OR2T12: variants seen among roughly 807,000 people sequenced by gnomAD.
OR2T12 encodes the protein olfactory receptor 2T12.
For missense variants in OR2T12, 335 were observed against 404.3 expected (o/e 0.83, Z 1.47); for synonymous variants, 127 against 160.5 (o/e 0.79, Z 1.58).
intron 2 of OR2T12, among the ~76,000 whole-genome samples, chr1:248,300,259 A>C (rs1458847586): frequency 1.3e-5 from 2 of 152,200 alleles, no homozygotes; most frequent in African/African-American, 4.8e-5. Context: ...GCATGTGACC[A>C]GCACAATACT....
chr1:248,302,531 A>G (rs959268319), intron 1 of OR2T12, among the ~76,000 whole-genome samples: 4 of 152,158 alleles, frequency 2.6e-5, no homozygotes, highest in African/African-American at 9.6e-5. Context: ...TATATCCAAC[A>G]TATTTGTTGT....
chr1:248,301,151 A>G (rs1459055177), intron 2 of OR2T12, among the ~76,000 whole-genome samples: 16 of 152,202 alleles, frequency 1.1e-4, no homozygotes, highest in Non-Finnish European at 1.9e-4. Flanking sequence ...CATTGATTTC[A>G]TCCTGTCACA....
chr1:248,296,057 A>G (rs758946781), intron 2 of OR2T12, among the ~76,000 whole-genome samples: 48 of 125,946 alleles, frequency 3.8e-4, no homozygotes, highest in Non-Finnish European at 6.4e-4. Flanking sequence ...TCCTGTGTCC[A>G]TGTGTTCTCA....
At chr1:248,297,196 C>G (rs1445917190) in intron 2 of OR2T12, among the ~76,000 whole-genome samples, 5 of 151,930 alleles carry the variant, frequency 3.3e-5, no homozygotes, top group East Asian at 1.9e-4. Flanking sequence ...GGGCTCTGTT[C>G]TGTTCCATTG....
In OR2T12 at chr1:248,292,032, A is replaced by G. The variant is rs1420544618; in HGVS notation, c.*2584T>C. 6.6e-6 allele frequency: 1 copy of G among 152,156 alleles called. No individual in the cohort carries two copies. The highest frequency in any genetic ancestry group is 1.5e-5 in the Non-Finnish European group (1 of 67,992). The allele number at this position is 152,156 out of a possible 1,614,324, so 9.4% of individuals were successfully genotyped here. A position where few individuals can be genotyped will look rare whatever the true frequency, so the allele number is the denominator to read the frequency against. On this transcript the variant is annotated 3_prime_UTR_variant, in exon 3 of 3. Transcript: ENST00000641276. ...CATAGGCATGGGCAAAGACTTCATG[A>G]CTAAAACACCAAAGCAATGGCAACA...
rs1478792177 is a variant in OR2T12 at position 248,293,084 on chromosome 1, C to T, written c.*1532G>A. 6.6e-6 allele frequency: 1 copy of T among 152,112 alleles called. No homozygotes were observed. The highest frequency in any genetic ancestry group is 1.5e-5 in the Non-Finnish European group (1 of 67,992). 9.4% of individuals were successfully genotyped at this position (152,112 alleles called of 1,614,324 possible). On this transcript the variant is annotated 3_prime_UTR_variant, in exon 3 of 3. Coordinates refer to ENST00000641276, the MANE Select transcript of OR2T12 (RefSeq NM_001004692.2). ...GAAACTCTTAGTCTTAAACAGATGACACTCTCTCCTGTCATCCTCAAGTCT... is the reference window on the plus strand; with the variant it reads ...GAAACTCTTAGTCTTAAACAGATGATACTCTCTCCTGTCATCCTCAAGTCT...
chr1:248,291,794 CTCT>C lies in OR2T12; in HGVS notation c.*2819_*2821del, dbSNP rs1245490830. Reference sequence around the variant, plus strand: ...CTCAGAATTCATGCCATACAACCATCTCTTCTTTGACAAACCTGACAAAAACAA... The same window carrying C: ...CTCAGAATTCATGCCATACAACCATCTCTTTGACAAACCTGACAAAAACAA... On this transcript the variant is annotated 3_prime_UTR_variant, in exon 3 of 3. Transcript: ENST00000641276. 6.6e-5 allele frequency: 10 copies of C among 151,994 alleles called. No individual in the cohort carries two copies. Among genetic ancestry groups the C allele is most frequent in the African/African-American group, 1.9e-4 (8 of 41,480 alleles). The allele number at this position is 151,994 out of a possible 1,614,324, so 9.4% of individuals were successfully genotyped here. A position where few individuals can be genotyped will look rare whatever the true frequency, so the allele number is the denominator to read the frequency against.
intron 2 of OR2T12, among the ~76,000 whole-genome samples, chr1:248,296,942 C>T (rs544462621): frequency 1.8e-4 from 27 of 152,210 alleles, no homozygotes; most frequent in Admixed American, 5.2e-4. Flanking sequence ...CCTATGTCCT[C>T]AATGGTAACG....
At chr1:248,298,129 C>T (rs1042404805) in intron 2 of OR2T12, among the ~76,000 whole-genome samples, 11 of 152,024 alleles carry the variant, frequency 7.2e-5, no homozygotes, top group South Asian at 2.1e-4. Context: ...TTGTCTTTGG[C>T]TCTGTTTATA....
chr1:248,300,415 G>C (rs926038818), intron 2 of OR2T12, among the ~76,000 whole-genome samples: 1 of 152,082 alleles, frequency 6.6e-6, no homozygotes, highest in African/African-American at 2.4e-5. Flanking sequence ...CTGATTATTG[G>C]TATCTGAGAT....
At chr1:248,300,352 G>C (rs769699984) in intron 2 of OR2T12, among the ~76,000 whole-genome samples, 36 of 152,094 alleles carry the variant, frequency 2.4e-4, no homozygotes, top group Non-Finnish European at 1.3e-4. Context: ...AGAGAAACAG[G>C]TCTCAACCTC....
In OR2T12 at chr1:248,293,972, G is replaced by A. The variant is rs2103037101; in HGVS notation, c.*644C>T. 1 of 152,084 alleles carries A rather than the reference G, an allele frequency of 6.6e-6. No homozygotes were observed. The highest frequency in any genetic ancestry group is 2.4e-5 in the African/African-American group (1 of 41,516). The allele number at this position is 152,084 out of a possible 1,614,324, so 9.4% of individuals were successfully genotyped here. On this transcript the variant is annotated 3_prime_UTR_variant, in exon 3 of 3. Coordinates refer to ENST00000641276, the MANE Select transcript of OR2T12 (RefSeq NM_001004692.2). ...AATATAGCAGTTACATTTGAGTTGT[G>A]TACTTCCCCTTTTGTCATGCATCTA...
In OR2T12 at chr1:248,294,952, A is replaced by G. The variant is rs1572829892; in HGVS notation, c.627T>C (p.Phe209=). 11 of 1,611,790 alleles carry G rather than the reference A, an allele frequency of 6.8e-6. No individual in the cohort carries two copies. Among genetic ancestry groups the G allele is most frequent in the Non-Finnish European group, 9.3e-6 (11 of 1,179,828 alleles). The change falls in exon 3 of 3, where the codon TTT becomes TTC. Residue 209 remains phenylalanine (F), a synonymous_variant. Transcript: ENST00000641276. ...GACCATAGGAGGACAGGATGAGGGAAAAGGGGACCAGGAGCATTAACACAC... is the reference window on the plus strand; with the variant it reads ...GACCATAGGAGGACAGGATGAGGGAGAAGGGGACCAGGAGCATTAACACAC... ...ICCVLMLLVP[F]SLILSSYGLI... is the part of the protein sequence containing the mutation.
rs1572828639 is a variant in OR2T12 at position 248,292,353 on chromosome 1, A to T, written c.*2263T>A. 6.6e-6 allele frequency: 1 copy of T among 152,064 alleles called. No homozygotes were observed. The highest frequency in any genetic ancestry group is 1.5e-5 in the Non-Finnish European group (1 of 67,958). 9.4% of individuals were successfully genotyped at this position (152,064 alleles called of 1,614,324 possible). ...GTTTCTACCATTCATGCTCTTGTAT[A>T]CTCTGTCTCTATCAGGTACTCCTTC... On this transcript the variant is annotated 3_prime_UTR_variant, in exon 3 of 3. Transcript: ENST00000641276.
chr1:248,301,088 C>T (rs575228702), intron 2 of OR2T12, among the ~76,000 whole-genome samples: 6 of 152,110 alleles, frequency 3.9e-5, no homozygotes, highest in Non-Finnish European at 8.8e-5. Flanking sequence ...TATTTTTTCA[C>T]CTCCCTTCAT....
At chr1:248,295,665 C>A in intron 2 of OR2T12, 79 bp from the exon 3 acceptor site, 2 of 1,505,354 alleles carry the variant, frequency 1.3e-6, no homozygotes, top group South Asian at 1.4e-5. Context: ...TGCACAGTTT[C>A]TGGACATATG....
intron 2 of OR2T12, among the ~76,000 whole-genome samples, chr1:248,296,665 G>A (rs1428058356): frequency 2.0e-5 from 3 of 152,128 alleles, no homozygotes; most frequent in Non-Finnish European, 4.4e-5. Flanking sequence ...TTTGAGAAGT[G>A]TCTGTTCATG....
rs191858583 is a variant in OR2T12 at position 248,299,709 on chromosome 1, C to T, written c.-9+1664G>A. ...CCTAATAGACATCTACAGAACTCTCCACCCCAAATCAACAGAATATACATT... is the reference window on the plus strand; with the variant it reads ...CCTAATAGACATCTACAGAACTCTCTACCCCAAATCAACAGAATATACATT... On this transcript the variant is annotated intron_variant, in intron 2 of 2. Coordinates refer to ENST00000641276, the MANE Select transcript of OR2T12 (RefSeq NM_001004692.2). Among the ~76,000 whole-genome samples, 84 of 152,260 alleles carry T rather than the reference C, an allele frequency of 5.5e-4. 1 individual carries two copies. Among genetic ancestry groups the T allele is most frequent in the African/African-American group, 1.7e-3 (71 of 41,542 alleles).
Position 248,293,432 on chromosome 1 carries a change from ACTCT to A in OR2T12, c.*1180_*1183del, listed in dbSNP as rs1391533994. 2 of 151,482 alleles carry A rather than the reference ACTCT, an allele frequency of 1.3e-5. No individual in the cohort carries two copies. The highest frequency in any genetic ancestry group is 4.8e-5 in the African/African-American group (2 of 41,238). The allele number at this position is 151,482 out of a possible 1,614,324, so 9.4% of individuals were successfully genotyped here. A position where few individuals can be genotyped will look rare whatever the true frequency, so the allele number is the denominator to read the frequency against. Reference sequence around the variant, plus strand: ...TGGGAAATATAGCCTTTATCATAAAACTCTCTAAGACAATTTGATATCCAGTCTC... The same window carrying A: ...TGGGAAATATAGCCTTTATCATAAAACTAAGACAATTTGATATCCAGTCTC... On this transcript the variant is annotated 3_prime_UTR_variant, in exon 3 of 3. Coordinates refer to ENST00000641276, the MANE Select transcript of OR2T12 (RefSeq NM_001004692.2).
Sources: allele counts gnomAD v4.1 joint callset (sites outside exome capture counted in the v4.1 genomes callset), GRCh38; gene constraint gnomAD v4.1.1; transcripts MANE v1.5; gene names NCBI Gene and HGNC (gene_info 2026-07-23, HGNC 2026-07-21).